The following DOCK2 variants were observed in gnomAD, a reference collection of about 807,000 sequenced individuals.
The protein encoded by DOCK2 is dedicator of cytokinesis protein 2.
DOCK2 carries 87 observed loss-of-function variants against 248.9 expected under a neutral mutation model. That is an observed-to-expected ratio of 0.35 (90% CI 0.29 to 0.42). The LOEUF is 0.42. Among genes scored for constraint, DOCK2 ranks in the 10% least tolerant of loss-of-function variants. DOCK2 has a pLI of 1.00. For synonymous variants in DOCK2, 805 were observed against 821.6 expected, an observed-to-expected ratio of 0.98 and a Z score of 0.35; for missense variants, 1,747 against 2,300.2, an observed-to-expected ratio of 0.76 and a Z score of 4.92.
intron 27 of DOCK2, among the ~76,000 whole-genome samples, chr5:169,903,055 G>A (rs529194677): frequency 9.2e-5 from 14 of 151,724 alleles, no homozygotes; most frequent in South Asian, 8.4e-4. Flanking sequence ...CTGAGATCAC[G>A]CCACTGTACT....
In DOCK2 at chr5:170,042,026, A is replaced by G. The variant is rs1412449203; in HGVS notation, c.3770A>G (p.Gln1257Arg). Residue 1257 changes from glutamine to arginine, a missense_variant, in exon 38 of 52, where the codon CAG becomes CGG. Coordinates refer to ENST00000520908, the MANE Select transcript of DOCK2 (RefSeq NM_004946.3). ...HTWLLKWSDE[Q>R]CASQVMQTGQ... The stretch of plus-strand genomic sequence containing the variant: ...TTCTCTTCACAGTGGTCGGATGAGC[A>G]GTGTGCATCACAGGTCATGCAGACA... The G allele has an allele frequency of 6.2e-7, 1 of 1,613,604 alleles. No individual in the cohort carries two copies. The highest frequency in any genetic ancestry group is 8.5e-7 in the Non-Finnish European group (1 of 1,179,724).
intron 27 of DOCK2, among the ~76,000 whole-genome samples, chr5:169,867,342 G>A (rs1055438870): frequency 3.3e-5 from 5 of 152,116 alleles, no homozygotes; most frequent in Admixed American, 6.6e-5. Context: ...CTCACCCAAC[G>A]TGATAACAAA....
At chr5:169,768,004 T>G (rs774800560) in intron 25 of DOCK2, among the ~76,000 whole-genome samples, 2 of 152,252 alleles carry the variant, frequency 1.3e-5, no homozygotes, top group Non-Finnish European at 2.9e-5. Context: ...GTGCAAAGTC[T>G]GATGAAGGTC....
rs549237423 is a variant in DOCK2, at chr5:169,803,087, A to G, written c.2584A>G (p.Thr862Ala). 1.2e-6 allele frequency: 2 copies of G among 1,614,138 alleles called. No individual in the cohort carries two copies. Among genetic ancestry groups the G allele is most frequent in the Non-Finnish European group, 1.7e-6 (2 of 1,180,016 alleles). Residue 862 changes from threonine (T) to alanine (A), a missense_variant, in exon 26 of 52, where the codon ACC becomes GCC. Physicochemically the swap from Thr to Ala is moderately conservative, Grantham distance 58. Around this residue, in one of 4 missense-constraint regions of DOCK2, gnomAD observed 858 missense variants for 1,183.5 expected, o/e 0.72. Coordinates refer to ENST00000520908, the MANE Select transcript of DOCK2 (RefSeq NM_004946.3). ...ECRDILLPVITKELKELLEQK... is the reference protein window; with the variant it reads ...ECRDILLPVIAKELKELLEQK... Reference sequence around the variant, plus strand: ...CCGGGACATTCTGCTTCCTGTCATCACCAAAGAGCTGAAGGAGCTGCTGGA... The same window carrying G: ...CCGGGACATTCTGCTTCCTGTCATCGCCAAAGAGCTGAAGGAGCTGCTGGA...
chr5:170,020,603 T>C (rs943324266), intron 33 of DOCK2, among the ~76,000 whole-genome samples: 3 of 152,154 alleles, frequency 2.0e-5, no homozygotes, highest in African/African-American at 7.2e-5. Flanking sequence ...ACTTTAAAGA[T>C]GAAAAGAAAC....
intron 7 of DOCK2, among the ~76,000 whole-genome samples, 192 bp downstream of exon 7, chr5:169,682,071 C>T (rs1390472191): frequency 6.6e-6 from 1 of 152,216 alleles, no homozygotes; most frequent in African/African-American, 2.4e-5. Context: ...ACATCCATCT[C>T]ACAGGTAGTT....
intron 1 of DOCK2, among the ~76,000 whole-genome samples, chr5:169,648,546 C>T (rs1309184065): frequency 1.3e-5 from 2 of 152,172 alleles, no homozygotes; most frequent in East Asian, 1.9e-4. Flanking sequence ...CATCTCCACT[C>T]GTGAGAGGCG....
In DOCK2 at chr5:169,802,350, C is replaced by G. The variant is rs532528216; in HGVS notation, c.2555-708C>G. On this transcript the variant is annotated intron_variant, in intron 25 of 51. Coordinates refer to ENST00000520908, the MANE Select transcript of DOCK2 (RefSeq NM_004946.3). ...CTAATTTTAGTATTTCTAGTAGAGA[C>G]AGGTTTTCGCCACGTTGGCCATGCT... 2.0e-5 allele frequency among the ~76,000 whole-genome samples: 3 copies of G among 152,226 alleles called. No individual in the cohort carries two copies. The East Asian group carries it at 5.8e-4, about 29-fold the overall frequency.
At chr5:169,872,496 T>C (rs1772043235) in intron 27 of DOCK2, among the ~76,000 whole-genome samples, 2 of 152,202 alleles carry the variant, frequency 1.3e-5, no homozygotes, top group East Asian at 1.9e-4. Flanking sequence ...AATTGGCAAG[T>C]CTACCCCTTC....
At chr5:169,993,145 G>A (rs1368296253) in intron 29 of DOCK2, among the ~76,000 whole-genome samples, 1 of 152,170 alleles carries the variant, frequency 6.6e-6, no homozygotes, top group Non-Finnish European at 1.5e-5. Context: ...TTTCCATCTG[G>A]GGGATCAGAT....
chr5:169,709,388 C>T (rs187030622), intron 15 of DOCK2, among the ~76,000 whole-genome samples: 1 of 152,220 alleles, frequency 6.6e-6, no homozygotes, highest in East Asian at 1.9e-4. Flanking sequence ...TTGTGGAATA[C>T]TAAGTGGTGT....
rs201825096 is a variant in DOCK2 at position 169,996,145 on chromosome 5, A to C, written c.3053A>C (p.His1018Pro). 13 of 1,613,872 alleles carry C rather than the reference A, an allele frequency of 8.1e-6. No individual in the cohort carries two copies. The South Asian group carries it at 1.3e-4, about 16-fold the overall frequency. ...AETMNQKFLE[H>P]TNFEFQLWNN... ...ACCATGAACCAGAAGTTCCTAGAAC[A>C]CACGAACTTTGAGTTCCAGGTGAGT... The change falls in exon 30 of 52, where the codon CAC (histidine) becomes CCC (proline). Residue 1018 changes from histidine (H) to proline (P), a missense_variant. Physicochemically the swap from His to Pro is moderately conservative, Grantham distance 77 (BLOSUM62 -2). Around this residue, in one of 4 missense-constraint regions of DOCK2, gnomAD observed 858 missense variants for 1,183.5 expected, o/e 0.72. Transcript: ENST00000520908.
chr5:169,978,065 C>T (rs1738651657), intron 27 of DOCK2, among the ~76,000 whole-genome samples: 1 of 152,140 alleles, frequency 6.6e-6, no homozygotes, highest in South Asian at 2.1e-4. Flanking sequence ...TTTCCTTCAT[C>T]TCCTCTCACT....
intron 9 of DOCK2, among the ~76,000 whole-genome samples, chr5:169,692,002 C>T (rs554842560): frequency 1.1e-4 from 17 of 152,048 alleles, no homozygotes; most frequent in Non-Finnish European, 2.5e-4. Context: ...ACTACAGGTA[C>T]ATGCTACCAC....
At chr5:169,814,877 A>G (rs945160026) in intron 26 of DOCK2, among the ~76,000 whole-genome samples, 1 of 152,212 alleles carries the variant, frequency 6.6e-6, no homozygotes, top group Non-Finnish European at 1.5e-5. Context: ...AAAAAAATCC[A>G]GAAAGGACTA....
At chr5:169,753,315 T>C (rs924205759) in intron 23 of DOCK2, among the ~76,000 whole-genome samples, 1 of 152,152 alleles carries the variant, frequency 6.6e-6, no homozygotes, top group Admixed American at 6.5e-5. Context: ...TTTTAAGCCC[T>C]GCGTGCATCA....
chr5:170,001,555 G>T (rs970238178), intron 30 of DOCK2, among the ~76,000 whole-genome samples: 3 of 151,988 alleles, frequency 2.0e-5, no homozygotes, highest in Non-Finnish European at 4.4e-5. Flanking sequence ...AACCTCTCTG[G>T]GCCTCAGTTT....
chr5:169,708,878 T>C (rs1010425227), intron 15 of DOCK2, among the ~76,000 whole-genome samples: 1 of 152,180 alleles, frequency 6.6e-6, no homozygotes, highest in Non-Finnish European at 1.5e-5. Flanking sequence ...TTCCTTTTAA[T>C]GAGAGCAGTT....
At chr5:169,863,061 T>G (rs1771302548) in intron 27 of DOCK2, among the ~76,000 whole-genome samples, 3 of 152,246 alleles carry the variant, frequency 2.0e-5, no homozygotes. Flanking sequence ...TAGCAATTAC[T>G]TAATTATATT....
Sources: gnomAD v4.1 joint callset for allele counts (sites outside exome capture counted in the v4.1 genomes callset) on GRCh38, gnomAD v4.1.1 for gene constraint, gnomAD v4.1.1 regional missense constraint, MANE v1.5 for transcripts, NCBI Gene and HGNC (gene_info 2026-07-23, HGNC 2026-07-21) for gene names.